Variants in IL17RC observed in about 807,000 individuals in gnomAD.
IL17RC encodes the protein interleukin 17 receptor C, also known as interleukin-17 receptor C.
IL17RC carries 53 observed loss-of-function variants against 86.7 expected under a neutral mutation model. The observed-to-expected ratio is 0.61, with a 90% confidence interval of 0.49 to 0.77. The LOEUF is 0.77. Ranked by LOEUF, IL17RC falls within the 30% of genes least tolerant of loss-of-function variation. IL17RC has a pLI of 0.00. For missense variants in IL17RC, 957 were observed against 940.0 expected, an observed-to-expected ratio of 1.02 and a Z score of -0.24; for synonymous variants, 439 against 413.1, an observed-to-expected ratio of 1.06 and a Z score of -0.76.
At position 9,923,191 on chromosome 3, in the gene IL17RC, GA is replaced by G. The variant is rs565528248; in HGVS notation, c.623-680del. On this transcript the variant is annotated intron_variant, in intron 7 of 18. Transcript: ENST00000403601. ...GACTCCATCTCAAAAAAAAAAAAAG[GA>G]AAAAAAAAAGAGAGAGAAACAGTAA... is the stretch of plus-strand genomic sequence containing the variant. Among the ~76,000 whole-genome samples, 364 of 135,150 alleles carry G rather than the reference GA, an allele frequency of 2.7e-3. 5 individuals carry two copies. In the South Asian group the frequency reaches 0.031, roughly 11 times the overall value. 88.7% of individuals were successfully genotyped at this position (135,150 alleles called of 152,430 possible). A position where few individuals can be genotyped will look rare whatever the true frequency, so the allele number is the denominator to read the frequency against.
chr3:9,932,906 G>T, intron 18 of IL17RC, 47 bp from the exon 19 acceptor site: 1 of 1,607,178 alleles, frequency 6.2e-7, no homozygotes, highest in Admixed American at 1.7e-5. Context: ...GGGGAGCCAG[G>T]CCTGTGCCAG....
chr3:9,928,265 T>C, intron 10 of IL17RC, 40 bp from the exon 11 acceptor site: 1 of 1,613,800 alleles, frequency 6.2e-7, no homozygotes, highest in Non-Finnish European at 8.5e-7. Flanking sequence ...TTGCGAGCGA[T>C]GGGTACCTGG....
At position 9,930,869 on chromosome 3, in the gene IL17RC, G is replaced by A. The variant is rs1385222008; in HGVS notation, c.1339-26G>A. 4 of 1,612,298 alleles carry A rather than the reference G, an allele frequency of 2.5e-6. No homozygotes were observed. Among genetic ancestry groups the A allele is most frequent in the Admixed American group, 1.7e-5 (1 of 60,024 alleles). ...ATTGGAACACCTGGCTGGTGCCCTGGATTTGGTTCTGTTTGTATCTTACAG... is the reference window on the plus strand; with the variant it reads ...ATTGGAACACCTGGCTGGTGCCCTGAATTTGGTTCTGTTTGTATCTTACAG... On this transcript the variant is annotated intron_variant, in intron 15 of 18. Transcript: ENST00000403601. This position sits in a 1 kb window ranked among gnomAD's most constrained non-coding sequence, Gnocchi z 5.8.
rs576092039 is a variant in IL17RC at position 9,917,169 on chromosome 3, C to A, written c.-147C>A. ...CCAGGACAGAGAGTGCACAAACTAC[C>A]CAGCACAGCCCCCTCCGCCCCCTCT... On this transcript the variant is annotated 5_prime_UTR_variant, in exon 1 of 19. Coordinates refer to ENST00000403601, the MANE Select transcript of IL17RC (RefSeq NM_153460.4). The A allele has an allele frequency of 3.3e-5, 21 of 636,260 alleles. No homozygotes were observed. The highest frequency in any genetic ancestry group is 2.9e-4 in the African/African-American group (16 of 54,490). The allele number at this position is 636,260 out of a possible 1,614,324, so 39.4% of individuals were successfully genotyped here. A position where few individuals can be genotyped will look rare whatever the true frequency, so the allele number is the denominator to read the frequency against.
At chr3:9,927,233 G>T (rs570097674) in intron 9 of IL17RC, among the ~76,000 whole-genome samples, 1 of 1,628 alleles carries the variant, frequency 6.1e-4, no homozygotes, top group Admixed American at 6.6e-3. Flanking sequence ...ACACATAGCA[G>T]GTGCTTACAC....
At chr3:9,931,466 C>CATAT (rs1466191337) in intron 16 of IL17RC, among the ~76,000 whole-genome samples, 256 of 15,414 alleles carry the variant, frequency 0.017, no homozygotes, top group East Asian at 0.066. Context: ...CACACACACA[C>CATAT]ACACATATAT....
chr3:9,926,781 C>T (rs1463867531), intron 9 of IL17RC, among the ~76,000 whole-genome samples: 3 of 152,056 alleles, frequency 2.0e-5, no homozygotes, highest in African/African-American at 7.2e-5. Context: ...TGCCACCATG[C>T]CCGGCTAATT....
At chr3:9,928,534 C>T in intron 11 of IL17RC, 46 bp from the exon 12 acceptor site, 1 of 1,613,682 alleles carries the variant, frequency 6.2e-7, no homozygotes. Flanking sequence ...GAGTGGGGAA[C>T]CGGGGGTCCC....
chr3:9,922,991 C>T (rs758554202), intron 7 of IL17RC, among the ~76,000 whole-genome samples: 27 of 151,472 alleles, frequency 1.8e-4, no homozygotes, highest in African/African-American at 3.6e-4. Flanking sequence ...CTGGCTAACA[C>T]GGTGAAACCC....
intron 7 of IL17RC, among the ~76,000 whole-genome samples, chr3:9,923,176 C>CAA (rs377645102): frequency 2.0e-4 from 17 of 86,218 alleles, no homozygotes; most frequent in African/African-American, 5.8e-4. Context: ...GACTCCATCT[C>CAA]AAAAAAAAAA....
intron 9 of IL17RC, among the ~76,000 whole-genome samples, chr3:9,925,112 C>T (rs918804499): frequency 7.1e-6 from 1 of 139,894 alleles, no homozygotes; most frequent in Non-Finnish European, 1.6e-5. Flanking sequence ...GCCCTGATTG[C>T]ACTTTTTTTT....
At chr3:9,917,635 T>G in intron 1 of IL17RC, 78 bp from the exon 2 acceptor site, 2 of 1,613,900 alleles carry the variant, frequency 1.2e-6, no homozygotes, top group Non-Finnish European at 1.7e-6. Flanking sequence ...CAGAAAAAGG[T>G]AGGTGGAGGT....
In IL17RC at chr3:9,918,102, A is replaced by G. The variant is rs866001024; in HGVS notation, c.280+27A>G. On this transcript the variant is annotated intron_variant, in intron 3 of 18. Coordinates refer to ENST00000403601, the MANE Select transcript of IL17RC (RefSeq NM_153460.4). ...TGAGCAAGTCATCCTGTGACAGTGC[A>G]TGTGTACACGTGAGTGTGTCTGGGG... The G allele has an allele frequency of 4.5e-6, 7 of 1,556,102 alleles. No individual in the cohort carries two copies. In the South Asian group the frequency reaches 5.9e-5, roughly 13 times the overall value.
rs766583753 is a variant in IL17RC at position 9,933,312 on chromosome 3, A to G, written c.1882A>G (p.Ser628Gly). ...CTTCTTGCAGGGCCGGGCGCCCGGCAGCTACGTGGGGGCCTGCTTCGACAG... is the reference window on the plus strand; with the variant it reads ...CTTCTTGCAGGGCCGGGCGCCCGGCGGCTACGTGGGGGCCTGCTTCGACAG... ...PDFLQGRAPGSYVGACFDRLL... is the reference protein window; with the variant it reads ...PDFLQGRAPGGYVGACFDRLL... The change falls in exon 19 of 19, where the codon AGC (serine) becomes GGC (glycine). Residue 628 changes from serine to glycine, a missense_variant. Transcript: ENST00000403601. 6.2e-7 allele frequency: 1 copy of G among 1,606,230 alleles called. No individual in the cohort carries two copies. Among genetic ancestry groups the G allele is most frequent in the Admixed American group, 1.7e-5 (1 of 59,196 alleles).
Position 9,933,050 on chromosome 3 carries a change from G to T in IL17RC, c.1620G>T (p.Leu540=). 6.5e-7 allele frequency: 1 copy of T among 1,547,258 alleles called. No homozygotes were observed. Among genetic ancestry groups the T allele is most frequent in the South Asian group, 1.2e-5 (1 of 81,276 alleles). ...CCCTGGCGTCGGCCCTGTGCCAGCT[G>T]CCGCTGCGCGTGGCCGTAGACCTGT... ...VGALASALCQ[L]PLRVAVDLWS... is the part of the protein sequence containing the mutation. Residue 540 remains leucine (L), a synonymous_variant, in exon 19 of 19, where the codon CTG becomes CTT. Coordinates refer to ENST00000403601, the MANE Select transcript of IL17RC (RefSeq NM_153460.4).
rs761099118 is a variant in IL17RC, at chr3:9,933,552, G to C, written c.2122G>C (p.Val708Leu). The C allele has an allele frequency of 6.2e-7, 1 of 1,606,142 alleles. No homozygotes were observed. Among genetic ancestry groups the C allele is most frequent in the Non-Finnish European group, 8.5e-7 (1 of 1,176,744 alleles). Residue 708 changes from valine (V) to leucine (L), a missense_variant, in exon 19 of 19, where the codon GTG becomes CTG. Coordinates refer to ENST00000403601, the MANE Select transcript of IL17RC (RefSeq NM_153460.4). ...GGGGACTCCCGCGCCGGGACGCGGG[G>C]TGGGACCAGGCGCGGGACCTGGGGC... The part of the protein sequence containing the change: ...PPGTPAPGRG[V>L]GPGAGPGAGD...
In IL17RC at chr3:9,929,990, G is replaced by A. The variant is rs1321295909; in HGVS notation, c.1157-38G>A. 9 of 1,613,640 alleles carry A rather than the reference G, an allele frequency of 5.6e-6. No individual in the cohort carries two copies. In the Admixed American group the frequency reaches 1.3e-4, roughly 24 times the overall value. ...CAGGCAAGTGGCCAATCCCAGCAAG[G>A]ATGGGTCTTGGTCAGAGTGGCCTCT... On this transcript the variant is annotated intron_variant, in intron 13 of 18. Coordinates refer to ENST00000403601, the MANE Select transcript of IL17RC (RefSeq NM_153460.4).
At chr3:9,924,367 C>A in intron 9 of IL17RC, 76 bp downstream of exon 9, 5 of 1,438,384 alleles carry the variant, frequency 3.5e-6, no homozygotes, top group South Asian at 1.2e-5. Context: ...CCTTCCTGGT[C>A]TCACCATTCT....
rs777412852 is a variant in IL17RC, at chr3:9,928,609, C to T, written c.1089C>T (p.Gly363=). ...DKVLEFPLLK[G]HPNLCVQVNS... is the part of the protein sequence containing the mutation. ...TTCTCGAGTTCCCATTGCTGAAAGGCCACCCTAACCTCTGTGTTCAGGTCA... is the reference window on the plus strand; with the variant it reads ...TTCTCGAGTTCCCATTGCTGAAAGGTCACCCTAACCTCTGTGTTCAGGTCA... Residue 363 remains glycine (G), a synonymous_variant, in exon 12 of 19, where the codon GGC becomes GGT. Transcript: ENST00000403601. The T allele has an allele frequency of 6.2e-7, 1 of 1,613,754 alleles. No homozygotes were observed. The highest frequency in any genetic ancestry group is 1.1e-5 in the South Asian group (1 of 91,082).
Sources: gnomAD v4.1 joint callset for allele counts (sites outside exome capture counted in the v4.1 genomes callset) on GRCh38, gnomAD v4.1.1 for gene constraint, Gnocchi (gnomAD v3.1) non-coding constraint, MANE v1.5 for transcripts, NCBI Gene and HGNC (gene_info 2026-07-23, HGNC 2026-07-21) for gene names.